Variants in DAB1 observed in about 807,000 individuals in gnomAD.
The protein encoded by DAB1 is disabled homolog 1.
In DAB1, 15 loss-of-function variants were observed where a neutral mutation model predicts 64.6. The observed-to-expected ratio is 0.23, with a 90% confidence interval of 0.16 to 0.36. DAB1 has a LOEUF of 0.36. Ranked by LOEUF, DAB1 falls within the 10% of genes least tolerant of loss-of-function variation. The probability of loss-of-function intolerance (pLI) is 1.00; values close to 1 mark genes in which losing one functional copy is unlikely to be tolerated. For missense variants in DAB1, 596 were observed against 706.7 expected (o/e 0.84, Z 1.78); for synonymous variants, 235 against 251.9 (o/e 0.93, Z 0.64).
In DAB1 at chr1:58,024,019, G is replaced by C. The variant is rs183720455; in HGVS notation, n.387+126492C>G. On this transcript the variant is annotated intron_variant and non_coding_transcript_variant, in intron 5 of 20. Coordinates refer to the DAB1 transcript ENST00000485760. ...GCTTTCTGCTGCGTAATTTATCCTT[G>C]AGAGTGGCATGAGAGTTTTTTATTA... Among the ~76,000 whole-genome samples, 145 of 152,242 alleles carry C rather than the reference G, an allele frequency of 9.5e-4. 1 individual carries two copies. The highest frequency in any genetic ancestry group is 3.4e-3 in the Middle Eastern group (1 of 294).
chr1:57,075,291 A>G (rs1026447207), intron 4 of DAB1, among the ~76,000 whole-genome samples: 2 of 152,226 alleles, frequency 1.3e-5, no homozygotes, highest in African/African-American at 4.8e-5. Context: ...ATCCTCATTA[A>G]GTGTTTTAAA....
chr1:58,532,978 C>T (rs977841289), intron 1 of DAB1, among the ~76,000 whole-genome samples: 4 of 152,214 alleles, frequency 2.6e-5, no homozygotes, highest in Admixed American at 2.6e-4. Flanking sequence ...GGATTAGAAT[C>T]ATTATCATTT....
chr1:57,276,329 T>A (rs974312901), intron 2 of DAB1, among the ~76,000 whole-genome samples: 2 of 152,200 alleles, frequency 1.3e-5, no homozygotes, highest in South Asian at 4.1e-4. Context: ...ATCTATAACT[T>A]TGTGAGCAGG....
At chr1:57,843,779 A>G (rs1200098157) in intron 1 of DAB1, among the ~76,000 whole-genome samples, 1 of 152,126 alleles carries the variant, frequency 6.6e-6, no homozygotes, top group Non-Finnish European at 1.5e-5. Context: ...TTTTCCTCCA[A>G]CAGCTGCACA....
At chr1:57,507,925 G>C (rs1482564008) in intron 7 of DAB1, among the ~76,000 whole-genome samples, 1 of 152,118 alleles carries the variant, frequency 6.6e-6, no homozygotes, top group African/African-American at 2.4e-5. Flanking sequence ...CAAAAATACA[G>C]TGAGCGTTAG....
intron 7 of DAB1, among the ~76,000 whole-genome samples, chr1:57,600,338 T>TA (rs1330304678): frequency 6.6e-6 from 1 of 151,792 alleles, no homozygotes; most frequent in Admixed American, 6.6e-5. Context: ...TAGAGAAAAA[T>TA]AAAAAATCTC....
intron 7 of DAB1, among the ~76,000 whole-genome samples, chr1:57,533,886 CA>C (rs1490792176): frequency 1.3e-5 from 2 of 151,924 alleles, no homozygotes; most frequent in Non-Finnish European, 2.9e-5. Flanking sequence ...TGATAAATGT[CA>C]AAGGATTTGA....
chr1:57,870,430 G>A (rs777737215), intron 1 of DAB1, among the ~76,000 whole-genome samples: 3 of 152,048 alleles, frequency 2.0e-5, no homozygotes, highest in Non-Finnish European at 2.9e-5. Context: ...TGTGATGGGT[G>A]GAAAGACAAT....
chr1:57,324,055 A>T (rs1156847591), intron 1 of DAB1, among the ~76,000 whole-genome samples: 1 of 152,228 alleles, frequency 6.6e-6, no homozygotes, highest in African/African-American at 2.4e-5. Flanking sequence ...AAGATACAGA[A>T]AACTCAGCCT....
intron 5 of DAB1, among the ~76,000 whole-genome samples, chr1:57,997,813 G>A (rs571782204): frequency 6.6e-6 from 1 of 151,834 alleles, no homozygotes; most frequent in Non-Finnish European, 1.5e-5. Context: ...GAAAGGTGAA[G>A]TTCATTGGTC....
chr1:58,298,959 G>A (rs1274795847), intron 4 of DAB1, among the ~76,000 whole-genome samples: 8 of 152,116 alleles, frequency 5.3e-5, no homozygotes, highest in Admixed American at 3.9e-4. Context: ...AGAGTCACTA[G>A]GAAACACGTA....
intron 3 of DAB1, among the ~76,000 whole-genome samples, chr1:58,344,181 TGCTCA>T (rs1409036750): frequency 6.6e-6 from 1 of 152,168 alleles, no homozygotes; most frequent in Non-Finnish European, 1.5e-5. Context: ...CAAGCAGAGC[TGCTCA>T]GCTCAGAAGG....
chr1:57,953,142 C>G (rs1465797623), intron 5 of DAB1, among the ~76,000 whole-genome samples: 1 of 152,186 alleles, frequency 6.6e-6, no homozygotes, highest in African/African-American at 2.4e-5. Flanking sequence ...GAATTCCCAC[C>G]AAGGCTGTGC....
At chr1:57,308,994 G>A (rs1316072721) in intron 1 of DAB1, among the ~76,000 whole-genome samples, 4 of 152,186 alleles carry the variant, frequency 2.6e-5, no homozygotes, top group East Asian at 1.9e-4. Context: ...AGCCCAGGGT[G>A]GCTTTGAATG....
chr1:57,550,870 T>A (rs1354065720), intron 7 of DAB1, among the ~76,000 whole-genome samples: 1 of 152,184 alleles, frequency 6.6e-6, no homozygotes, highest in Non-Finnish European at 1.5e-5. Context: ...AGAGGAGAAA[T>A]GAATAACATT....
intron 4 of DAB1, among the ~76,000 whole-genome samples, chr1:58,210,259 T>C (rs576348917): frequency 3.7e-4 from 56 of 152,230 alleles, no homozygotes; most frequent in African/African-American, 1.3e-3. Context: ...GTTTTCCCAC[T>C]AGGGAGAGGC....
chr1:57,359,707 A>T (rs1196880290), intron 1 of DAB1, among the ~76,000 whole-genome samples: 1 of 152,086 alleles, frequency 6.6e-6, no homozygotes. Flanking sequence ...TCAAGGATAA[A>T]TAAATAAAGA....
At chr1:57,421,785 A>T (rs1684906688) in intron 1 of DAB1, among the ~76,000 whole-genome samples, 1 of 151,872 alleles carries the variant, frequency 6.6e-6, no homozygotes, top group Admixed American at 6.6e-5. Context: ...TGACTTTTAT[A>T]CAGCTTTGAT....
chr1:58,021,155 G>A (rs1009043289), intron 5 of DAB1, among the ~76,000 whole-genome samples: 4 of 152,244 alleles, frequency 2.6e-5, no homozygotes, highest in Admixed American at 2.0e-4. Context: ...CAAATTCATA[G>A]CTTAAGGGCT....
Sources: gnomAD v4.1 joint callset for allele counts (sites outside exome capture counted in the v4.1 genomes callset) on GRCh38, gnomAD v4.1.1 for gene constraint, MANE v1.5 for transcripts, NCBI Gene and HGNC (gene_info 2026-07-23, HGNC 2026-07-21) for gene names.